Variants in RTKN2 observed in about 807,000 individuals in gnomAD.
The protein encoded by RTKN2 is rhotekin 2, also known as rhotekin-2.
A neutral mutation model predicts 71.5 loss-of-function variants in RTKN2; 69 were observed. The ratio of observed to expected loss-of-function variants is 0.96; its 90% CI spans 0.79 to 1.18. RTKN2 has a LOEUF of 1.18. Among genes scored for constraint, RTKN2 ranks in the 50% most tolerant of loss-of-function variants. RTKN2 has a pLI of 0.00. For synonymous variants in RTKN2, 236 were observed against 236.5 expected (o/e 1.00, Z 0.02); for missense variants, 724 against 719.7 (o/e 1.01, Z -0.07).
chr10:62,203,701 G>C (rs1484178804), intron 10 of RTKN2, among the ~76,000 whole-genome samples: 1 of 152,136 alleles, frequency 6.6e-6, no homozygotes, highest in Non-Finnish European at 1.5e-5. Flanking sequence ...ATGAATATTT[G>C]AACATTTATT....
intron 6 of RTKN2, among the ~76,000 whole-genome samples, chr10:62,223,858 G>C (rs1841962528): frequency 6.6e-6 from 1 of 152,062 alleles, no homozygotes; most frequent in South Asian, 2.1e-4. Flanking sequence ...TCAGATATTT[G>C]TACACCTAAG....
chr10:62,255,604 T>C (rs1842660209), intron 2 of RTKN2, among the ~76,000 whole-genome samples: 1 of 152,140 alleles, frequency 6.6e-6, no homozygotes, highest in South Asian at 2.1e-4. Context: ...CCATTATAAA[T>C]GTAATTGATT....
downstream of RTKN2, among the ~76,000 whole-genome samples, chr10:62,190,099 C>A (rs1354070127): frequency 6.6e-6 from 1 of 152,032 alleles, no homozygotes; most frequent in Non-Finnish European, 1.5e-5. Flanking sequence ...AACCCAGGGC[C>A]AAGCATTATG....
rs189455511 is a variant in RTKN2, at chr10:62,240,346, G to T, written c.371-581C>A. On this transcript the variant is annotated intron_variant, in intron 4 of 11. Transcript: ENST00000373789. The stretch of plus-strand genomic sequence containing the variant: ...TTTGGTGATGTTTTAAAAAGTATTA[G>T]GTGATTAAAAGGCTAAATCCTCATT... 2.8e-4 allele frequency among the ~76,000 whole-genome samples: 42 copies of T among 151,946 alleles called. No homozygotes were observed. The East Asian group carries it at 7.7e-3, about 28-fold the overall frequency.
chr10:62,198,313 A>C lies in RTKN2; in HGVS notation c.1425T>G (p.Asp475Glu). 1 of 1,613,874 alleles carries C rather than the reference A, an allele frequency of 6.2e-7. No individual in the cohort carries two copies. The highest frequency in any genetic ancestry group is 8.5e-7 in the Non-Finnish European group (1 of 1,179,876). ...TCTGGATGACCATTTGATGGTTACC[A>C]TCAAAGAGTGTGGCCCAAGGAGGTG... The part of the protein sequence containing the change: ...SLPPPWATLF[D>E]GNHQMVIQKK... The change falls in exon 12 of 12, where the codon GAT becomes GAG. Residue 475 changes from aspartate to glutamate, a missense_variant. Coordinates refer to ENST00000373789, the MANE Select transcript of RTKN2 (RefSeq NM_145307.4).
intron 2 of RTKN2, among the ~76,000 whole-genome samples, chr10:62,257,936 A>T (rs1293801842): frequency 6.6e-6 from 1 of 152,230 alleles, no homozygotes; most frequent in Admixed American, 6.5e-5. Flanking sequence ...TCCATTGGGA[A>T]CTGTACAGAA....
chr10:62,253,292 A>G (rs1010878095), intron 2 of RTKN2, among the ~76,000 whole-genome samples: 1 of 152,204 alleles, frequency 6.6e-6, no homozygotes, highest in African/African-American at 2.4e-5. Flanking sequence ...TGCAGCTAAC[A>G]ATGAATATAT....
At chr10:62,187,169 C>A (rs185705448) in intron 8 of RTKN2, among the ~76,000 whole-genome samples, 233 of 152,004 alleles carry the variant, frequency 1.5e-3, no homozygotes, top group Non-Finnish European at 2.6e-3. Flanking sequence ...GTATACCAGG[C>A]ACACTATTCT....
At chr10:62,217,049 G>C (rs1417251312) in intron 9 of RTKN2, 69 bp downstream of exon 9, 1 of 1,163,366 alleles carries the variant, frequency 8.6e-7, no homozygotes, top group African/African-American at 1.6e-5. Flanking sequence ...CAACAACAAT[G>C]TAAACTGCAC....
intron 6 of RTKN2, among the ~76,000 whole-genome samples, chr10:62,234,410 G>A (rs1842212860): frequency 6.6e-6 from 1 of 150,886 alleles, no homozygotes; most frequent in Non-Finnish European, 1.5e-5. Flanking sequence ...TGTGCCAGTA[G>A]TCCTAGCTAC....
chr10:62,261,137 C>T (rs7085402), intron 2 of RTKN2, among the ~76,000 whole-genome samples: 111,531 of 152,132 alleles, frequency 0.73, 41,148 homozygotes, highest in East Asian at 0.9. Context: ...CCAATGTATG[C>T]CTATCTGAAA....
At chr10:62,263,654 A>G (rs948604542) in intron 1 of RTKN2, among the ~76,000 whole-genome samples, 1 of 152,228 alleles carries the variant, frequency 6.6e-6, no homozygotes, top group African/African-American at 2.4e-5. Context: ...AAGGTTTAGT[A>G]GCAGGGAGGA....
chr10:62,214,465 C>A (rs1841725633), intron 9 of RTKN2, among the ~76,000 whole-genome samples: 1 of 152,154 alleles, frequency 6.6e-6, no homozygotes, highest in African/African-American at 2.4e-5. Context: ...TACAATGCCA[C>A]TGATTGACTA....
At chr10:62,254,108 G>C (rs1842630700) in intron 2 of RTKN2, among the ~76,000 whole-genome samples, 1 of 152,172 alleles carries the variant, frequency 6.6e-6, no homozygotes, top group Admixed American at 6.5e-5. Flanking sequence ...GTCTGTTTAT[G>C]ATTTAATAAC....
chr10:62,217,788 A>G (rs558102349), intron 8 of RTKN2, among the ~76,000 whole-genome samples: 7 of 152,284 alleles, frequency 4.6e-5, no homozygotes, highest in African/African-American at 1.7e-4. Flanking sequence ...GGTTATAAAT[A>G]AATCAGCAGT....
intron 10 of RTKN2, among the ~76,000 whole-genome samples, chr10:62,203,360 TA>T (rs1452964820): frequency 5.8e-5 from 7 of 119,706 alleles, no homozygotes; most frequent in Non-Finnish European, 1.2e-4. Flanking sequence ...TTTTTTTTTT[TA>T]AAGACAAGAG....
At chr10:62,255,944 C>T (rs968603322) in intron 2 of RTKN2, among the ~76,000 whole-genome samples, 11 of 151,634 alleles carry the variant, frequency 7.3e-5, no homozygotes, top group African/African-American at 2.2e-4. Context: ...AGAAAAGGTT[C>T]AATGATACTT....
chr10:62,201,935 A>C (rs1432498007), intron 10 of RTKN2, among the ~76,000 whole-genome samples: 1 of 152,204 alleles, frequency 6.6e-6, no homozygotes, highest in Non-Finnish European at 1.5e-5. Flanking sequence ...TTTTGTTCAC[A>C]TAACAATTTA....
chr10:62,185,272 C>T (rs2132751842), intron 8 of RTKN2, among the ~76,000 whole-genome samples: 1 of 151,758 alleles, frequency 6.6e-6, no homozygotes, highest in East Asian at 1.9e-4. Context: ...CCAAGTCAGT[C>T]CCAAACTAAG....
Sources: gnomAD v4.1 joint callset for allele counts (sites outside exome capture counted in the v4.1 genomes callset) on GRCh38, gnomAD v4.1.1 for gene constraint, MANE v1.5 for transcripts, NCBI Gene and HGNC (gene_info 2026-07-23, HGNC 2026-07-21) for gene names.